Variants in PTDSS1 observed in about 807,000 individuals in gnomAD.
The protein encoded by PTDSS1 is PSS-1.
In PTDSS1, 45 loss-of-function variants were observed where a neutral mutation model predicts 70.5. The ratio of observed to expected loss-of-function variants is 0.64; its 90% CI spans 0.50 to 0.82. The LOEUF (loss-of-function observed/expected upper bound fraction) is 0.82. PTDSS1 is among the 40% of genes least tolerant of loss of function. The pLI is 0.00. For missense variants in PTDSS1, 417 were observed against 586.1 expected (o/e 0.71, Z 2.98); for synonymous variants, 188 against 203.8 (o/e 0.92, Z 0.66).
At chr8:96,271,011 C>CATTT (rs1238069370) in intron 1 of PTDSS1, among the ~76,000 whole-genome samples, 1 of 152,060 alleles carries the variant, frequency 6.6e-6, no homozygotes, top group Non-Finnish European at 1.5e-5. Context: ...TTGCCATGGC[C>CATTT]ATTTATTTGT....
intron 9 of PTDSS1, among the ~76,000 whole-genome samples, chr8:96,311,945 A>G (rs1811217952): frequency 6.6e-6 from 1 of 152,094 alleles, no homozygotes; most frequent in African/African-American, 2.4e-5. Context: ...CTTCTGTCCC[A>G]CTCACACATT....
Position 96,330,686 on chromosome 8 carries a change from T to G in PTDSS1, c.1243-340T>G, listed in dbSNP as rs150985866. The G allele has an allele frequency of 3.9e-4, 146 of 372,686 alleles. 2 individuals are homozygous for G. Among genetic ancestry groups the G allele is most frequent in the African/African-American group, 2.5e-3 (125 of 49,198 alleles). The allele number at this position is 372,686 out of a possible 1,614,324, so 23.1% of individuals were successfully genotyped here. A position where few individuals can be genotyped will look rare whatever the true frequency, so the allele number is the denominator to read the frequency against. ...TGCCCTGACCTTCATTTAGTAGATA[T>G]GAGGATACCATAGAAAATAGACATG... is the stretch of plus-strand genomic sequence containing the variant. On this transcript the variant is annotated intron_variant, in intron 11 of 12. Transcript: ENST00000517309.
chr8:96,285,878 T>C (rs1810815693), intron 3 of PTDSS1, among the ~76,000 whole-genome samples: 1 of 151,974 alleles, frequency 6.6e-6, no homozygotes. Flanking sequence ...GTGGGGGGCG[T>C]TTGTGGTGAA....
At chr8:96,296,980 G>A (rs1810984924) in intron 5 of PTDSS1, among the ~76,000 whole-genome samples, 1 of 152,142 alleles carries the variant, frequency 6.6e-6, no homozygotes, top group Non-Finnish European at 1.5e-5. Flanking sequence ...TGGTCACCAG[G>A]CCCTATAGAG....
chr8:96,300,678 C>T (rs547270836), intron 6 of PTDSS1, among the ~76,000 whole-genome samples: 1 of 152,190 alleles, frequency 6.6e-6, no homozygotes, highest in South Asian at 2.1e-4. Context: ...AACAAAATAG[C>T]ATTTTCCCAC....
At chr8:96,271,073 T>A (rs1431573168) in intron 1 of PTDSS1, among the ~76,000 whole-genome samples, 1 of 152,234 alleles carries the variant, frequency 6.6e-6, no homozygotes, top group Non-Finnish European at 1.5e-5. Flanking sequence ...AAGAGAATGA[T>A]GTATTCACGT....
intron 12 of PTDSS1, among the ~76,000 whole-genome samples, 177 bp from the exon 13 acceptor site, chr8:96,333,280 C>A (rs1365756910): frequency 6.6e-6 from 1 of 152,136 alleles, no homozygotes; most frequent in East Asian, 1.9e-4. Flanking sequence ...CGCGTGTGCT[C>A]CTTCAGTACT....
At chr8:96,326,940 G>T (rs1811446452) in intron 10 of PTDSS1, among the ~76,000 whole-genome samples, 1 of 152,186 alleles carries the variant, frequency 6.6e-6, no homozygotes, top group Non-Finnish European at 1.5e-5. Context: ...TTCCTCTTGT[G>T]GTAGCTGGGA....
intron 6 of PTDSS1, among the ~76,000 whole-genome samples, chr8:96,301,288 G>A (rs988628716): frequency 2.0e-5 from 3 of 151,952 alleles, no homozygotes; most frequent in Non-Finnish European, 4.4e-5. Context: ...TAGAGATGGG[G>A]TTTCACCATG....
chr8:96,315,846 G>C (rs991331303), intron 9 of PTDSS1, among the ~76,000 whole-genome samples: 1 of 152,196 alleles, frequency 6.6e-6, no homozygotes, highest in South Asian at 2.1e-4. Flanking sequence ...AAAGATCAGA[G>C]AGATTTAAAT....
chr8:96,286,167 G>T (rs1321156997), intron 3 of PTDSS1, among the ~76,000 whole-genome samples: 2 of 152,166 alleles, frequency 1.3e-5, no homozygotes, highest in Non-Finnish European at 2.9e-5. Flanking sequence ...GATGGATGCT[G>T]TGATCCAAGG....
At position 96,295,271 on chromosome 8, in the gene PTDSS1, ATTGGG is replaced by A; in HGVS notation, c.600+16_600+20del. 6.2e-7 allele frequency: 1 copy of A among 1,608,918 alleles called. No individual in the cohort carries two copies. The highest frequency in any genetic ancestry group is 8.5e-7 in the Non-Finnish European group (1 of 1,177,258). On this transcript the variant is annotated intron_variant, in intron 5 of 12. Coordinates refer to ENST00000517309, the MANE Select transcript of PTDSS1 (RefSeq NM_014754.3). ...AGCTGACTGAGGTAAGAAGGAGGGC[ATTGGG>A]GGTTCCCCAGACTGTGCCATGTGTG...
chr8:96,264,516 T>G (rs1376365932), intron 1 of PTDSS1, among the ~76,000 whole-genome samples: 6 of 152,208 alleles, frequency 3.9e-5, no homozygotes, highest in Non-Finnish European at 8.8e-5. Flanking sequence ...TAACTTCAGT[T>G]TAACTTCATC....
chr8:96,274,219 C>A (rs1178233744), intron 2 of PTDSS1, among the ~76,000 whole-genome samples: 2 of 151,820 alleles, frequency 1.3e-5, no homozygotes, highest in Non-Finnish European at 2.9e-5. Flanking sequence ...ATGGGCCGGA[C>A]GTACTCGGGT....
intron 1 of PTDSS1, among the ~76,000 whole-genome samples, chr8:96,270,903 C>G (rs1479762620): frequency 2.6e-5 from 4 of 152,132 alleles, no homozygotes; most frequent in Non-Finnish European, 5.9e-5. Flanking sequence ...GGTTTTACAA[C>G]CTAATATATT....
In PTDSS1 at chr8:96,333,457, G is replaced by A. The variant is rs1811547085; in HGVS notation, c.1313G>A (p.Gly438Asp). Residue 438 changes from glycine (G) to aspartate (D), a missense_variant and splice_region_variant, in exon 13 of 13, where the codon GGT (glycine) becomes GAT (aspartate). This residue lies in a region of PTDSS1 where 107 missense variants were observed against 122.3 expected (regional missense o/e 0.88). Transcript: ENST00000517309. ...GGTGTGCTCTGATTCCTTTGGCCAG[G>A]TTCTGAAGACAGCCCACCCAAGCAT... is the stretch of plus-strand genomic sequence containing the variant. The part of the protein sequence containing the change: ...ISWHHRKGTK[G>D]SEDSPPKHAG... 5 of 1,611,728 alleles carry A rather than the reference G, an allele frequency of 3.1e-6. No homozygotes were observed. The highest frequency in any genetic ancestry group is 4.5e-5 in the East Asian group (2 of 44,850).
chr8:96,303,399 G>C (rs1811077308), intron 6 of PTDSS1, among the ~76,000 whole-genome samples: 1 of 152,132 alleles, frequency 6.6e-6, no homozygotes, highest in Non-Finnish European at 1.5e-5. Context: ...CAACCACTTA[G>C]CACAATGTTG....
At chr8:96,286,459 T>G (rs2130054999) in intron 3 of PTDSS1, among the ~76,000 whole-genome samples, 1 of 152,338 alleles carries the variant, frequency 6.6e-6, no homozygotes, top group East Asian at 1.9e-4. Context: ...GGCCACCTCT[T>G]GAACCTTACA....
intron 1 of PTDSS1, among the ~76,000 whole-genome samples, chr8:96,265,085 G>A (rs915239426): frequency 6.6e-6 from 1 of 152,116 alleles, no homozygotes; most frequent in Non-Finnish European, 1.5e-5. Flanking sequence ...GGAAAGTAAC[G>A]ACTTCTTAAA....
Sources: gnomAD v4.1 joint callset for allele counts (sites outside exome capture counted in the v4.1 genomes callset) on GRCh38, gnomAD v4.1.1 for gene constraint, gnomAD v4.1.1 regional missense constraint, MANE v1.5 for transcripts, NCBI Gene and HGNC (gene_info 2026-07-23, HGNC 2026-07-21) for gene names.